XPO5: variants seen among roughly 807,000 people sequenced by gnomAD.
XPO5 encodes the protein exportin-5.
Under a neutral mutation model 160.6 loss-of-function variants are expected in XPO5, and 46 were observed. That is an observed-to-expected ratio of 0.29 (90% CI 0.23 to 0.37). XPO5 has a LOEUF of 0.37. Among genes scored for constraint, XPO5 ranks in the 10% least tolerant of loss-of-function variants. The probability of loss-of-function intolerance (pLI) is 1.00; values close to 1 mark genes in which losing one functional copy is unlikely to be tolerated. For synonymous variants in XPO5, 537 were observed against 519.3 expected (o/e 1.03, Z -0.46); for missense variants, 1,090 against 1,463.9 (o/e 0.74, Z 4.17).
chr6:43,524,087 G>A (rs1021336538), intron 31 of XPO5, 82 bp from the exon 32 acceptor site: 17 of 1,532,198 alleles, frequency 1.1e-5, no homozygotes, highest in Non-Finnish European at 1.4e-5. Context: ...GCAGTGGCTC[G>A]CGCCTGTAAT....
chr6:43,562,227 G>T lies in XPO5; in HGVS notation c.1011+20C>A. On this transcript the variant is annotated intron_variant, in intron 9 of 31. Coordinates refer to ENST00000265351, the MANE Select transcript of XPO5 (RefSeq NM_020750.3). ...TCCCAAATGGGCTTGAAGCTCTCCA[G>T]AAAGCAAACACTAGCTCACCAGCAA... 1 of 1,587,336 alleles carries T rather than the reference G, an allele frequency of 6.3e-7. No individual in the cohort carries two copies. The highest frequency in any genetic ancestry group is 1.2e-5 in the South Asian group (1 of 86,650).
intron 8 of XPO5, among the ~76,000 whole-genome samples, chr6:43,565,318 G>C (rs1205777719): frequency 6.6e-6 from 1 of 152,118 alleles, no homozygotes; most frequent in Non-Finnish European, 1.5e-5. Context: ...TGTAATCCCA[G>C]CACTTTGGGA....
chr6:43,539,046 C>A, intron 20 of XPO5: 1 of 1,540,886 alleles, frequency 6.5e-7, no homozygotes, highest in South Asian at 1.1e-5. Flanking sequence ...TAGCAGTCAT[C>A]GATACCAGCC....
intron 20 of XPO5, among the ~76,000 whole-genome samples, chr6:43,544,968 G>A (rs565551876): frequency 1.5e-4 from 23 of 152,250 alleles, no homozygotes; most frequent in African/African-American, 5.3e-4. Context: ...CGCCTCCCGG[G>A]TTCAAGCGAT....
At chr6:43,540,024 A>G (rs992745120) in intron 20 of XPO5, among the ~76,000 whole-genome samples, 1 of 152,236 alleles carries the variant, frequency 6.6e-6, no homozygotes, top group Non-Finnish European at 1.5e-5. Context: ...GGAGGCCAAG[A>G]TGGGCGGATC....
At chr6:43,551,169 TC>T in intron 15 of XPO5, 128 bp downstream of exon 15, 1 of 935,308 alleles carries the variant, frequency 1.1e-6, no homozygotes, top group Non-Finnish European at 1.5e-6. Context: ...GGTGTGAGGA[TC>T]CCTTGAGACT....
At position 43,528,209 on chromosome 6, in the gene XPO5, G is replaced by A. The variant is rs1199499710; in HGVS notation, c.2776-4C>T. ...CTTGCCATTTCTGAGAAAGCCTCTG[G>A]GAAAACACAAAGGAAATAAATGCTA... On this transcript the variant is annotated splice_polypyrimidine_tract_variant and splice_region_variant and intron_variant, in intron 24 of 31. Coordinates refer to ENST00000265351, the MANE Select transcript of XPO5 (RefSeq NM_020750.3). 2 of 1,588,712 alleles carry A rather than the reference G, an allele frequency of 1.3e-6. No individual in the cohort carries two copies. Among genetic ancestry groups the A allele is most frequent in the Admixed American group, 1.8e-5 (1 of 55,890 alleles).
intron 19 of XPO5, among the ~76,000 whole-genome samples, chr6:43,547,140 C>T (rs1309606360): frequency 6.6e-6 from 1 of 152,194 alleles, no homozygotes; most frequent in African/African-American, 2.4e-5. Context: ...CTAATCCCCC[C>T]TCACGGTACT....
chr6:43,534,173 GA>G (rs1794171407), intron 20 of XPO5, among the ~76,000 whole-genome samples, 166 bp from the exon 21 acceptor site: 1 of 152,184 alleles, frequency 6.6e-6, no homozygotes, highest in Admixed American at 6.5e-5. Flanking sequence ...CTGGAGGAGG[GA>G]ACAGACTTGT....
intron 16 of XPO5, 83 bp from the exon 17 acceptor site, chr6:43,549,661 C>A: frequency 6.8e-7 from 1 of 1,470,142 alleles, no homozygotes; most frequent in South Asian, 1.3e-5. Flanking sequence ...ATATCTCAGT[C>A]AGGGGCAAAT....
chr6:43,557,099 G>C (rs1762129601), intron 12 of XPO5, among the ~76,000 whole-genome samples: 1 of 142,666 alleles, frequency 7.0e-6, no homozygotes, highest in Admixed American at 7.1e-5. Flanking sequence ...TTGCACTCCA[G>C]CCTGGGCGAC....
chr6:43,569,000 T>C (rs1351230547), intron 5 of XPO5, among the ~76,000 whole-genome samples: 1 of 152,186 alleles, frequency 6.6e-6, no homozygotes, highest in African/African-American at 2.4e-5. Context: ...TACTCAAAAA[T>C]ACTGGATGTT....
At chr6:43,574,710 G>C (rs534839240) in intron 1 of XPO5, among the ~76,000 whole-genome samples, 9 of 152,266 alleles carry the variant, frequency 5.9e-5, no homozygotes, top group African/African-American at 2.2e-4. Flanking sequence ...AGGGAGAGAG[G>C]ATAGGCGGTG....
chr6:43,562,591 A>G (rs970062058), intron 8 of XPO5, among the ~76,000 whole-genome samples: 2 of 152,236 alleles, frequency 1.3e-5, no homozygotes, highest in African/African-American at 2.4e-5. Flanking sequence ...AAAAGCAACT[A>G]TATTAGCTGT....
At chr6:43,569,527 A>G (rs1468571088) in intron 5 of XPO5, among the ~76,000 whole-genome samples, 1 of 152,034 alleles carries the variant, frequency 6.6e-6, no homozygotes, top group African/African-American at 2.4e-5. Flanking sequence ...TGAGGTCAGG[A>G]GTTCAAGACC....
In XPO5 at chr6:43,534,114, C is replaced by T. The variant is rs78863475; in HGVS notation, c.2343-107G>A. ...TACAGTTTCACACAGATCTGCCCAT[C>T]AACTCCTGGCAGGGGAAAGAAAAGA... On this transcript the variant is annotated intron_variant, in intron 20 of 31. Coordinates refer to ENST00000265351, the MANE Select transcript of XPO5 (RefSeq NM_020750.3). 0.01 allele frequency: 7,650 copies of T among 753,010 alleles called. 367 individuals are homozygous for T. In the African/African-American group the frequency reaches 0.11, roughly 11 times the overall value. The allele number at this position is 753,010 out of a possible 1,614,324, so 46.6% of individuals were successfully genotyped here. A position where few individuals can be genotyped will look rare whatever the true frequency, so the allele number is the denominator to read the frequency against.
At chr6:43,546,101 C>T (rs1247410279) in intron 20 of XPO5, among the ~76,000 whole-genome samples, 1 of 152,056 alleles carries the variant, frequency 6.6e-6, no homozygotes, top group Admixed American at 6.6e-5. Flanking sequence ...ATTTATAATT[C>T]CTTTGTTTAG....
chr6:43,523,616 T>A lies in XPO5; in HGVS notation c.*252A>T. On this transcript the variant is annotated 3_prime_UTR_variant, in exon 32 of 32. Coordinates refer to ENST00000265351, the MANE Select transcript of XPO5 (RefSeq NM_020750.3). The stretch of plus-strand genomic sequence containing the variant: ...TAGCTTTTCTTGGAAAAGCCAAATC[T>A]CCAAGTAGAATGGGAACTATCTGGG... 1.4e-6 allele frequency: 1 copy of A among 724,054 alleles called. No homozygotes were observed. The highest frequency in any genetic ancestry group is 2.5e-6 in the Non-Finnish European group (1 of 394,962). The allele number at this position is 724,054 out of a possible 1,614,324, so 44.9% of individuals were successfully genotyped here.
intron 26 of XPO5, 77 bp downstream of exon 26, chr6:43,527,557 C>CT (rs1456576244): frequency 6.2e-6 from 9 of 1,454,110 alleles, no homozygotes; most frequent in Non-Finnish European, 7.7e-6. Context: ...TTAGTCAGGC[C>CT]TTCATGGAGT....
Sources: allele counts gnomAD v4.1 joint callset (sites outside exome capture counted in the v4.1 genomes callset), GRCh38; gene constraint gnomAD v4.1.1; transcripts MANE v1.5; gene names NCBI Gene and HGNC (gene_info 2026-07-23, HGNC 2026-07-21).